The following SLC26A7 variants were observed in gnomAD, a reference collection of about 807,000 sequenced individuals.
SLC26A7 encodes the protein solute carrier family 26 member 7, also known as anion exchange transporter.
SLC26A7 carries 59 observed loss-of-function variants against 82.5 expected under a neutral mutation model. The observed-to-expected ratio is 0.72, with a 90% CI of 0.58 to 0.89. The LOEUF is 0.89. SLC26A7 is among the 40% of genes least tolerant of loss of function. SLC26A7 has a pLI of 0.00. For synonymous variants in SLC26A7, 271 were observed against 274.3 expected, an observed-to-expected ratio of 0.99 and a Z score of 0.12; for missense variants, 820 against 793.0, an observed-to-expected ratio of 1.03 and a Z score of -0.41.
chr8:91,324,601 G>A (rs1812884810), intron 5 of SLC26A7, among the ~76,000 whole-genome samples: 1 of 152,192 alleles, frequency 6.6e-6, no homozygotes, highest in Non-Finnish European at 1.5e-5. Flanking sequence ...CACCTCACAG[G>A]CATTGAGGAT....
Position 91,394,361 on chromosome 8 carries a change from C to T in SLC26A7, c.1935+322C>T, listed in dbSNP as rs988883108. On this transcript the variant is annotated intron_variant, in intron 18 of 18. Transcript: ENST00000276609. ...GATCTACTGTCCTGGGGACTTGAAT[C>T]CACCTTTCTCAAATATAAAAACTCT... is the stretch of plus-strand genomic sequence containing the variant. The T allele has an allele frequency of 1.9e-6, 3 of 1,556,898 alleles. No individual in the cohort carries two copies. In the African/African-American group the frequency reaches 4.1e-5, roughly 21 times the overall value.
At chr8:91,367,434 G>T (rs1237290160) in intron 14 of SLC26A7, among the ~76,000 whole-genome samples, 3 of 152,158 alleles carry the variant, frequency 2.0e-5, no homozygotes, top group African/African-American at 7.2e-5. Context: ...TAATGTTCCA[G>T]AATTCTTTAT....
chr8:91,395,019 T>C, intron 18 of SLC26A7, 43 bp from the exon 19 acceptor site: 1 of 1,591,452 alleles, frequency 6.3e-7, no homozygotes, highest in Non-Finnish European at 8.6e-7. Flanking sequence ...AATTTAAGAG[T>C]TGAGTAAATA....
At chr8:91,281,896 G>A (rs953992263) in intron 2 of SLC26A7, among the ~76,000 whole-genome samples, 1 of 152,114 alleles carries the variant, frequency 6.6e-6, no homozygotes, top group Non-Finnish European at 1.5e-5. Context: ...GTTTATTGAT[G>A]TTTTACATTG....
chr8:91,352,803 A>T, intron 10 of SLC26A7, 98 bp from the exon 11 acceptor site: 1 of 891,942 alleles, frequency 1.1e-6, no homozygotes, highest in African/African-American at 1.7e-5. Context: ...TTCTCTATTA[A>T]GTACTTTAAA....
At chr8:91,344,030 T>C in intron 9 of SLC26A7, 1 of 980,846 alleles carries the variant, frequency 1.0e-6, no homozygotes, top group Non-Finnish European at 1.2e-6. Flanking sequence ...ATGATGACGA[T>C]GTTGATGATG....
chr8:91,213,711 A>G (rs1369291408), intron 1 of SLC26A7, among the ~76,000 whole-genome samples: 1 of 152,170 alleles, frequency 6.6e-6, no homozygotes, highest in African/African-American at 2.4e-5. Context: ...TGGTTTGGGA[A>G]GTGCCTAGAA....
chr8:91,317,085 G>T (rs946545309), intron 4 of SLC26A7, among the ~76,000 whole-genome samples: 1 of 150,998 alleles, frequency 6.6e-6, no homozygotes, highest in African/African-American at 2.4e-5. Flanking sequence ...ACTTGAGCCT[G>T]GGGGGTGGAG....
At chr8:91,390,619 C>T (rs1814937322) in intron 16 of SLC26A7, among the ~76,000 whole-genome samples, 1 of 152,060 alleles carries the variant, frequency 6.6e-6, no homozygotes, top group Non-Finnish European at 1.5e-5. Context: ...GGTTTTCTTA[C>T]TCAGACCACC....
chr8:91,272,160 C>G (rs1283776627), intron 2 of SLC26A7, among the ~76,000 whole-genome samples: 1 of 152,184 alleles, frequency 6.6e-6, no homozygotes, highest in Non-Finnish European at 1.5e-5. Context: ...ACCCTTTCAT[C>G]TACCTGATAG....
upstream of SLC26A7, among the ~76,000 whole-genome samples, chr8:91,246,673 C>T (rs1810548584): frequency 6.7e-6 from 1 of 150,154 alleles, no homozygotes; most frequent in Non-Finnish European, 1.5e-5. Context: ...GCACTCCGGC[C>T]TGGGAGTTAA....
intron 2 of SLC26A7, among the ~76,000 whole-genome samples, chr8:91,235,068 A>G (rs1477125767): frequency 6.6e-6 from 1 of 152,010 alleles, no homozygotes; most frequent in Non-Finnish European, 1.5e-5. Flanking sequence ...TACAGGCATG[A>G]GTGACCACGC....
chr8:91,286,398 C>T (rs1811711773), intron 2 of SLC26A7, among the ~76,000 whole-genome samples: 1 of 152,162 alleles, frequency 6.6e-6, no homozygotes, highest in Non-Finnish European at 1.5e-5. Context: ...TTCTCGTGAC[C>T]ATTCTTTTGT....
At chr8:91,222,786 T>C (rs1200897994) in intron 2 of SLC26A7, among the ~76,000 whole-genome samples, 2 of 152,206 alleles carry the variant, frequency 1.3e-5, no homozygotes, top group East Asian at 3.9e-4. Flanking sequence ...TTCGCATCCA[T>C]GTTCATCAGT....
At position 91,393,781 on chromosome 8, in the gene SLC26A7, A is replaced by C; in HGVS notation, c.1777-16A>C. 1.2e-6 allele frequency: 2 copies of C among 1,612,370 alleles called. No individual in the cohort carries two copies. The highest frequency in any genetic ancestry group is 1.7e-6 in the Non-Finnish European group (2 of 1,178,698). ...ATTCTGAATTAATTGTGGGTATCCT[A>C]TTTTAATTCTTCCAGGTTTACATGG... On this transcript the variant is annotated splice_polypyrimidine_tract_variant and intron_variant, in intron 16 of 18. Transcript: ENST00000276609.
chr8:91,246,576 T>TG (rs1353254984), upstream of SLC26A7, among the ~76,000 whole-genome samples: 4 of 152,210 alleles, frequency 2.6e-5, no homozygotes, highest in East Asian at 7.7e-4. Context: ...CTAGTGCACC[T>TG]GTAATCCCAG....
chr8:91,378,023 T>C (rs1814565116), intron 15 of SLC26A7, among the ~76,000 whole-genome samples: 1 of 152,230 alleles, frequency 6.6e-6, no homozygotes, highest in African/African-American at 2.4e-5. Flanking sequence ...GCATGGTTAC[T>C]GCCTTATTTC....
At chr8:91,266,438 T>A (rs1047366498) in intron 2 of SLC26A7, among the ~76,000 whole-genome samples, 2 of 151,996 alleles carry the variant, frequency 1.3e-5, no homozygotes, top group African/African-American at 2.4e-5. Context: ...GTTGTAGAGA[T>A]CTTTCCCATC....
chr8:91,278,469 A>G (rs1811466275), intron 2 of SLC26A7, among the ~76,000 whole-genome samples: 1 of 152,194 alleles, frequency 6.6e-6, no homozygotes, highest in Non-Finnish European at 1.5e-5. Flanking sequence ...AGAAGTATAT[A>G]CTATATATGT....
Sources: allele counts gnomAD v4.1 joint callset (sites outside exome capture counted in the v4.1 genomes callset), GRCh38; gene constraint gnomAD v4.1.1; transcripts MANE v1.5; gene names NCBI Gene and HGNC (gene_info 2026-07-23, HGNC 2026-07-21).